The following SHOX2 variants were observed in gnomAD, a reference collection of about 807,000 sequenced individuals.
SHOX2 encodes the protein short stature homeobox protein 2.
In SHOX2, 13 loss-of-function variants were observed where a neutral mutation model predicts 31.3. That is an observed-to-expected ratio of 0.42 (90% confidence interval 0.27 to 0.66). The LOEUF is 0.66. SHOX2 is among the 30% of genes least tolerant of loss of function. The probability of loss-of-function intolerance (pLI) is 0.27; values close to 1 mark genes in which losing one functional copy is unlikely to be tolerated. For synonymous variants in SHOX2, 244 were observed against 196.2 expected (o/e 1.24, Z -2.04); for missense variants, 473 against 443.0 (o/e 1.07, Z -0.61).
Position 158,105,604 on chromosome 3 carries a change from G to A in SHOX2, c.346+75C>T, listed in dbSNP as rs1578082656. On this transcript the variant is annotated intron_variant, in intron 1 of 4. Transcript: ENST00000483851. ...CCCTCTCCCCTCCCCGCTGGGCCTCGGAGTCCTCTCCCGCCCGAGAGGAGT... is the reference window on the plus strand; with the variant it reads ...CCCTCTCCCCTCCCCGCTGGGCCTCAGAGTCCTCTCCCGCCCGAGAGGAGT... The A allele has an allele frequency of 3.7e-6, 5 of 1,362,906 alleles. No individual in the cohort carries two copies. The South Asian group carries it at 3.8e-5, about 10-fold the overall frequency. The allele number at this position is 1,362,906 out of a possible 1,614,324, so 84.4% of individuals were successfully genotyped here.
intron 4 of SHOX2, 150 bp downstream of exon 4, chr3:158,099,710 G>C: frequency 1.5e-6 from 1 of 647,340 alleles, no homozygotes; most frequent in Non-Finnish European, 2.7e-6. Flanking sequence ...GGTTTTTAAA[G>C]GGTAGTGGGT....
intron 2 of SHOX2, 110 bp from the exon 3 acceptor site, chr3:158,100,421 A>G (rs1185000201): frequency 3.0e-6 from 2 of 674,664 alleles, no homozygotes; most frequent in African/African-American, 1.8e-5. Context: ...AAGAATTGGG[A>G]GATACAGCAA....
Position 158,100,236 on chromosome 3 carries a change from C to G in SHOX2, c.613+18G>C, listed in dbSNP as rs1385824251. ...TCTTTGCTCAGACTATCAAATGTTC[C>G]TTGTATAAGAAGCATACCTTTATGG... On this transcript the variant is annotated intron_variant, in intron 3 of 4. Transcript: ENST00000483851. The G allele has an allele frequency of 6.4e-7, 1 of 1,556,574 alleles. No homozygotes were observed. Among genetic ancestry groups the G allele is most frequent in the African/African-American group, 1.4e-5 (1 of 72,278 alleles).
chr3:158,103,827 T>C (rs1713671887), intron 1 of SHOX2: 1 of 152,292 alleles, frequency 6.6e-6, no homozygotes, highest in South Asian at 2.1e-4. Context: ...TTTCTATTGG[T>C]TGCTCAAAGC....
At chr3:158,099,787 G>C in intron 4 of SHOX2, 73 bp downstream of exon 4, 1 of 1,088,116 alleles carries the variant, frequency 9.2e-7, no homozygotes, top group Non-Finnish European at 1.4e-6. Context: ...AGAGACAGGT[G>C]ATGTTCAACA....
At chr3:158,099,782 C>T in intron 4 of SHOX2, 78 bp downstream of exon 4, 1 of 1,038,312 alleles carries the variant, frequency 9.6e-7, no homozygotes, top group Non-Finnish European at 1.5e-6. Context: ...GGCTCAGAGA[C>T]AGGTGATGTT....
At chr3:158,098,527 AT>A (rs1713280125) in intron 4 of SHOX2, among the ~76,000 whole-genome samples, 1 of 152,052 alleles carries the variant, frequency 6.6e-6, no homozygotes, top group African/African-American at 2.4e-5. Flanking sequence ...GGGTAGGCTT[AT>A]TTCCCCGGAC....
intron 2 of SHOX2, 63 bp downstream of exon 2, chr3:158,102,615 G>A (rs1713561473): frequency 7.3e-7 from 1 of 1,369,850 alleles, no homozygotes; most frequent in Non-Finnish European, 1.0e-6. Context: ...TGTCCCCCAA[G>A]CCTCTTTCCA....
rs1408179643 is a variant in SHOX2 at position 158,096,400 on chromosome 3, A to C, written c.*1627T>G. 7 of 144,780 alleles carry C rather than the reference A, an allele frequency of 4.8e-5. No homozygotes were observed. The highest frequency in any genetic ancestry group is 1.0e-4 in the African/African-American group (4 of 39,416). The allele number at this position is 144,780 out of a possible 1,614,324, so 9.0% of individuals were successfully genotyped here. On this transcript the variant is annotated 3_prime_UTR_variant, in exon 5 of 5. Transcript: ENST00000483851. ...TAAATAGCTACATGAATTGAAACAA[A>C]CAACCAAAAGAAAAAAAAAAACAAA...
chr3:158,100,264 T>C lies in SHOX2; in HGVS notation c.603A>G (p.Gln201=). The change falls in exon 3 of 5, where the codon CAA becomes CAG. Residue 201 remains glutamine (Q), a synonymous_variant. Transcript: ENST00000483851. ...GTATAAGAAGCATACCTTTATGGAG[T>C]TGATTTTCTTGTTTTCTACATTTAG... ...RRAKCRKQEN[Q]LHKGVLIGAA... is the part of the protein sequence containing the mutation. 1 of 1,602,068 alleles carries C rather than the reference T, an allele frequency of 6.2e-7. No homozygotes were observed. The highest frequency in any genetic ancestry group is 8.5e-7 in the Non-Finnish European group (1 of 1,175,510).
rs1213724243 is a variant in SHOX2 at position 158,096,703 on chromosome 3, T to C, written c.*1324A>G. 6.6e-6 allele frequency: 1 copy of C among 152,226 alleles called. No individual in the cohort carries two copies. Among genetic ancestry groups the C allele is most frequent in the African/African-American group, 2.4e-5 (1 of 41,356 alleles). 9.4% of individuals were successfully genotyped at this position (152,226 alleles called of 1,614,324 possible). On this transcript the variant is annotated 3_prime_UTR_variant, in exon 5 of 5. Coordinates refer to ENST00000483851, the MANE Select transcript of SHOX2 (RefSeq NM_001163678.2). Reference sequence around the variant, plus strand: ...AGAAAAGGGGAATGGTGGGAACTAATACTGATTGAGCGCCTACTGTGTCTG... The same window carrying C: ...AGAAAAGGGGAATGGTGGGAACTAACACTGATTGAGCGCCTACTGTGTCTG...
Position 158,106,260 on chromosome 3 carries a change from G to A in SHOX2, c.-236C>T, listed in dbSNP as rs1326045794. On this transcript the variant is annotated 5_prime_UTR_variant, in exon 1 of 5. Coordinates refer to ENST00000483851, the MANE Select transcript of SHOX2 (RefSeq NM_001163678.2). ...AGAGGAGGAGGAGGAAGAAGAGGAA[G>A]AGGGGGAGAAGGGTGAAGAGGAGAG... 1.7e-6 allele frequency: 1 copy of A among 598,342 alleles called. No individual in the cohort carries two copies. The highest frequency in any genetic ancestry group is 3.8e-5 in the East Asian group (1 of 26,118). 37.1% of individuals were successfully genotyped at this position (598,342 alleles called of 1,614,324 possible).
In SHOX2 at chr3:158,096,253, A is replaced by G. The variant is rs768519155; in HGVS notation, c.*1774T>C. 4 of 152,354 alleles carry G rather than the reference A, an allele frequency of 2.6e-5. No individual in the cohort carries two copies. The highest frequency in any genetic ancestry group is 5.9e-5 in the Non-Finnish European group (4 of 68,038). The allele number at this position is 152,354 out of a possible 1,614,324, so 9.4% of individuals were successfully genotyped here. On this transcript the variant is annotated 3_prime_UTR_variant, in exon 5 of 5. Transcript: ENST00000483851. ...CTCAACCGCATACCAAAGTTCAGTT[A>G]GAAGAGCTTTTCCTCTTTCTTGTAA... is the stretch of plus-strand genomic sequence containing the variant.
In SHOX2 at chr3:158,106,136, C is replaced by A; in HGVS notation, c.-112G>T. The stretch of plus-strand genomic sequence containing the variant: ...CCCCAATAATAACACATCAATGGGA[C>A]AGGAGGTGGGGGAGGAGAGGGAGGA... On this transcript the variant is annotated 5_prime_UTR_variant, in exon 1 of 5. Coordinates refer to ENST00000483851, the MANE Select transcript of SHOX2 (RefSeq NM_001163678.2). 2 of 1,514,912 alleles carry A rather than the reference C, an allele frequency of 1.3e-6. No individual in the cohort carries two copies. Among genetic ancestry groups the A allele is most frequent in the Non-Finnish European group, 1.8e-6 (2 of 1,125,944 alleles). The allele number at this position is 1,514,912 out of a possible 1,614,324, so 93.8% of individuals were successfully genotyped here.
intron 2 of SHOX2, 74 bp from the exon 3 acceptor site, chr3:158,100,385 A>G: frequency 8.4e-6 from 9 of 1,072,582 alleles, no homozygotes; most frequent in Non-Finnish European, 1.2e-5. Flanking sequence ...ACAAAAGTAC[A>G]AAGAGAAAAG....
At chr3:158,105,023 T>TG in intron 1 of SHOX2, 3 of 204,904 alleles carry the variant, frequency 1.5e-5, no homozygotes, top group East Asian at 2.7e-4. Flanking sequence ...GATCCCCACC[T>TG]CCCCCGCCGC....
intron 1 of SHOX2, chr3:158,103,125 T>TC: frequency 1.7e-6 from 1 of 575,592 alleles, no homozygotes; most frequent in Middle Eastern, 4.7e-4. Context: ...AGGTGGGCAG[T>TC]CATCCACCAC....
rs1047029459 is a variant in SHOX2 at position 158,097,993 on chromosome 3, C to T, written c.*34G>A. The T allele has an allele frequency of 3.2e-6, 5 of 1,557,710 alleles. No individual in the cohort carries two copies. ...CGGAGGGCGTGCAGGCTGAGTGCCG[C>T]GGGACAGGCGCGACATTGGTGCTGG... On this transcript the variant is annotated 3_prime_UTR_variant, in exon 5 of 5. Coordinates refer to ENST00000483851, the MANE Select transcript of SHOX2 (RefSeq NM_001163678.2).
intron 3 of SHOX2, 89 bp downstream of exon 3, chr3:158,100,165 G>T: frequency 8.8e-7 from 1 of 1,137,866 alleles, no homozygotes; most frequent in Non-Finnish European, 1.3e-6. Context: ...TCATTTTTGA[G>T]GTTCCTTTTT....
Sources: allele counts gnomAD v4.1 joint callset (sites outside exome capture counted in the v4.1 genomes callset), GRCh38; gene constraint gnomAD v4.1.1; transcripts MANE v1.5; gene names NCBI Gene and HGNC (gene_info 2026-07-23, HGNC 2026-07-21).